The following SEL1L3 variants were observed in gnomAD, a reference collection of about 807,000 sequenced individuals.
The protein encoded by SEL1L3 is SEL1L family member 3.
In SEL1L3, 76 loss-of-function variants were observed where a neutral mutation model predicts 142.8. The observed-to-expected ratio is 0.53, with a 90% CI of 0.44 to 0.64. SEL1L3 has a LOEUF of 0.64. SEL1L3 is among the 30% of genes least tolerant of loss of function. The probability of loss-of-function intolerance (pLI) is 0.00; values close to 1 mark genes in which losing one functional copy is unlikely to be tolerated. For missense variants in SEL1L3, 1,262 were observed against 1,381.7 expected, an observed-to-expected ratio of 0.91 and a Z score of 1.37; for synonymous variants, 504 against 519.6, an observed-to-expected ratio of 0.97 and a Z score of 0.41.
At position 25,788,346 on chromosome 4, in the gene SEL1L3, G is replaced by A; in HGVS notation, c.2095C>T (p.Leu699=). The A allele has an allele frequency of 6.2e-7, 1 of 1,613,888 alleles. No individual in the cohort carries two copies. The highest frequency in any genetic ancestry group is 1.1e-5 in the South Asian group (1 of 91,082). ...AAAQQRLAQM[L]FWGQQGVAKN... ...GCCACACCTTGCTGCCCCCAGAACA[G>A]CATCTGGGCCAATCGTTGCTTAAAG... Residue 699 remains leucine, a synonymous_variant, in exon 13 of 24, where the codon CTG becomes TTG. Transcript: ENST00000399878. The surrounding 1 kb of genome is among the most constrained non-coding windows in gnomAD (Gnocchi z 5.3).
rs1374600156 is a variant in SEL1L3, at chr4:25,757,703, G to T, written c.3171C>A (p.Ile1057=). The T allele has an allele frequency of 6.3e-7, 1 of 1,593,982 alleles. No homozygotes were observed. Residue 1057 remains isoleucine (I), a synonymous_variant, in exon 22 of 24, where the codon ATC becomes ATA. Coordinates refer to ENST00000399878, the MANE Select transcript of SEL1L3 (RefSeq NM_015187.5). ...YLHLRLLWGA[I]LHSALIYFLG... ...TGAAACCTACCAGGGCTGAGTGCAG[G>T]ATAGCACCCCAGAGAAGCCGCAAGT...
chr4:25,831,502 A>AT (rs1715434146), intron 5 of SEL1L3, among the ~76,000 whole-genome samples: 1 of 92,768 alleles, frequency 1.1e-5, no homozygotes, highest in South Asian at 3.1e-4. Flanking sequence ...AATAATAATA[A>AT]TAATAATAAT....
rs1181433855 is a variant in SEL1L3, at chr4:25,767,577, A to C, written c.2793T>G (p.Cys931Trp). 3 of 1,601,300 alleles carry C rather than the reference A, an allele frequency of 1.9e-6. No homozygotes were observed. The African/African-American group carries it at 4.0e-5, about 21-fold the overall frequency. The change falls in exon 19 of 24, where the codon TGT becomes TGG. Residue 931 changes from cysteine (C) to tryptophan (W), a missense_variant. By Grantham distance (215) the Cys-to-Trp change is radical (BLOSUM62 -2). Around this residue, in one of 3 missense-constraint regions of SEL1L3, gnomAD observed 435 missense variants for 559.2 expected, o/e 0.78. Transcript: ENST00000399878. Reference sequence around the variant, plus strand: ...CAGAGAAATTATAGTATCTCCAAACACAGTTAACACCCAAGTATCTCCTGG... The same window carrying C: ...CAGAGAAATTATAGTATCTCCAAACCCAGTTAACACCCAAGTATCTCCTGG... ...DLARRYLGVN[C>W]VWRYYNFSVF...
At chr4:25,716,206 A>G in the SEL1L3 span, among the ~76,000 whole-genome samples, 2 of 152,296 alleles carry the variant, frequency 1.3e-5, no homozygotes, top group South Asian at 4.2e-4. Flanking sequence ...AATGAACAGA[A>G]AATATGATCA....
the SEL1L3 span, among the ~76,000 whole-genome samples, chr4:25,729,933 T>C: frequency 0.094 from 14,180 of 151,134 alleles, 814 homozygotes; most frequent in Middle Eastern, 0.16. Context: ...TTCTCCTTCT[T>C]CTTCTTCTTC....
intron 17 of SEL1L3, among the ~76,000 whole-genome samples, chr4:25,771,167 C>A (rs574634129): frequency 9.3e-4 from 141 of 152,340 alleles, no homozygotes; most frequent in African/African-American, 3.2e-3. Context: ...ATTTACTCAG[C>A]ATTTTTTAAT....
In SEL1L3 at chr4:25,834,051, G is replaced by A. The variant is rs1715609944; in HGVS notation, c.861-482C>T. On this transcript the variant is annotated intron_variant, in intron 3 of 23. Transcript: ENST00000399878. ...TAGAAAAATGTAATCATCTACAAAT[G>A]GCATCACTATGTGATAATAGGGACA... is the stretch of plus-strand genomic sequence containing the variant. Among the ~76,000 whole-genome samples, 6 of 152,276 alleles carry A rather than the reference G, an allele frequency of 3.9e-5. 1 individual carries two copies. The South Asian group carries it at 1.2e-3, about 32-fold the overall frequency.
chr4:25,856,073 C>T (rs1285917160), intron 1 of SEL1L3, among the ~76,000 whole-genome samples: 1 of 152,164 alleles, frequency 6.6e-6, no homozygotes, highest in African/African-American at 2.4e-5. Context: ...AAACTTCTCC[C>T]AGCTATTTGG....
intron 5 of SEL1L3, among the ~76,000 whole-genome samples, chr4:25,830,674 C>A (rs1429610451): frequency 1.3e-5 from 2 of 152,174 alleles, no homozygotes; most frequent in Non-Finnish European, 2.9e-5. Context: ...CTCATATGGG[C>A]TCTTCTCATG....
At chr4:25,853,055 T>C (rs935769693) in intron 1 of SEL1L3, among the ~76,000 whole-genome samples, 6 of 152,214 alleles carry the variant, frequency 3.9e-5, no homozygotes, top group African/African-American at 1.4e-4. Flanking sequence ...TGTTTGATGG[T>C]CCATGCTTAT....
the SEL1L3 span, among the ~76,000 whole-genome samples, chr4:25,741,508 TAA>T: frequency 6.6e-6 from 1 of 152,214 alleles, no homozygotes; most frequent in African/African-American, 2.4e-5. Context: ...TCATCTACTT[TAA>T]GTCTTTAGAT....
chr4:25,723,110 G>A, the SEL1L3 span, among the ~76,000 whole-genome samples: 1 of 152,140 alleles, frequency 6.6e-6, no homozygotes, highest in East Asian at 1.9e-4. Flanking sequence ...GCAAGACAGA[G>A]TCTGTCAAGA....
chr4:25,788,758 T>G lies in SEL1L3; in HGVS notation c.2077-394A>C, dbSNP rs1008289949. Among the ~76,000 whole-genome samples the G allele has an allele frequency of 6.6e-6, 1 of 152,156 alleles. No individual in the cohort carries two copies. Among genetic ancestry groups the G allele is most frequent in the Admixed American group, 6.5e-5 (1 of 15,274 alleles). ...GGAGGTCTCTGCACATCTGTATCAT[T>G]AGGGCATCCTTCTATAGCACTGATC... On this transcript the variant is annotated intron_variant, in intron 12 of 23. Transcript: ENST00000399878. This position sits in a 1 kb window ranked among gnomAD's most constrained non-coding sequence, Gnocchi z 5.3.
At chr4:25,733,791 C>T in the SEL1L3 span, among the ~76,000 whole-genome samples, 75 of 152,020 alleles carry the variant, frequency 4.9e-4, no homozygotes, top group Non-Finnish European at 2.9e-4. Flanking sequence ...CTGGGATTAC[C>T]GATGTGAGCC....
At chr4:25,845,103 T>C (rs183371445) in intron 2 of SEL1L3, among the ~76,000 whole-genome samples, 16 of 152,328 alleles carry the variant, frequency 1.1e-4, no homozygotes, top group Non-Finnish European at 2.2e-4. Flanking sequence ...CAGTTAACAG[T>C]ATTAGATCAG....
chr4:25,750,254 AAG>A lies in SEL1L3; in HGVS notation c.3260-1692_3260-1691del, dbSNP rs1195494112. Among the ~76,000 whole-genome samples the A allele has an allele frequency of 2.7e-5, 4 of 145,538 alleles. No homozygotes were observed. In the South Asian group the frequency reaches 8.8e-4, roughly 32 times the overall value. On this transcript the variant is annotated intron_variant, in intron 23 of 23. Transcript: ENST00000399878. ...CATCTCAAAAAAAAAAAAAAAAAAA[AAG>A]AAAGAAAAAAGAAACCCAGCCACAA... is the stretch of plus-strand genomic sequence containing the variant.
At position 25,752,108 on chromosome 4, in the gene SEL1L3, CAA is replaced by C. The variant is rs758727448; in HGVS notation, c.3260-3546_3260-3545del. Among the ~76,000 whole-genome samples, 225 of 99,348 alleles carry C rather than the reference CAA, an allele frequency of 2.3e-3. 1 individual carries two copies. The highest frequency in any genetic ancestry group is 6.7e-3 in the African/African-American group (178 of 26,626). The allele number at this position is 99,348 out of a possible 152,430, so 65.2% of individuals were successfully genotyped here. On this transcript the variant is annotated intron_variant, in intron 23 of 23. Transcript: ENST00000399878. ...TGGGCGACAGAGTAAGACTCCATCTCAAAAAAAAAAAAAAAATAGTTGAATGG... is the reference window on the plus strand; with the variant it reads ...TGGGCGACAGAGTAAGACTCCATCTCAAAAAAAAAAAAAATAGTTGAATGG...
chr4:25,852,861 C>T (rs1716997068), intron 1 of SEL1L3, among the ~76,000 whole-genome samples: 1 of 152,108 alleles, frequency 6.6e-6, no homozygotes, highest in Non-Finnish European at 1.5e-5. Context: ...ATTTTTAGTG[C>T]TGATGCTAGG....
intron 23 of SEL1L3, among the ~76,000 whole-genome samples, chr4:25,755,036 A>G (rs1717859951): frequency 6.6e-6 from 1 of 152,090 alleles, no homozygotes; most frequent in Admixed American, 6.6e-5. Flanking sequence ...TGATGCTGAA[A>G]AGAAGTTCGA....
Sources: allele counts gnomAD v4.1 joint callset (sites outside exome capture counted in the v4.1 genomes callset), GRCh38; gene constraint gnomAD v4.1.1; regional missense constraint gnomAD v4.1.1; non-coding constraint Gnocchi (gnomAD v3.1); transcripts MANE v1.5; gene names NCBI Gene and HGNC (gene_info 2026-07-23, HGNC 2026-07-21).